PEBP4: variants seen among roughly 807,000 people sequenced by gnomAD.
PEBP4 encodes phosphatidylethanolamine binding protein 4.
A neutral mutation model predicts 23.9 loss-of-function variants in PEBP4; 22 were observed. That is an observed-to-expected ratio of 0.92 (90% CI 0.66 to 1.31). PEBP4 has a LOEUF of 1.31. Among genes scored for constraint, PEBP4 ranks in the 40% most tolerant of loss-of-function variants. The pLI is 0.00. For synonymous variants in PEBP4, 112 were observed against 99.3 expected (o/e 1.13, Z -0.76); for missense variants, 324 against 281.7 (o/e 1.15, Z -1.07).
chr8:22,910,047 G>T lies in PEBP4; in HGVS notation c.258+10137C>A, dbSNP rs114653551. Among the ~76,000 whole-genome samples the T allele has an allele frequency of 6.6e-5, 10 of 152,212 alleles. No individual in the cohort carries two copies. In the South Asian group the frequency reaches 2.1e-3, roughly 32 times the overall value. ...CGCCAGGTTGTGAGGAGGCTCAAAC[G>T]AGGTACTGAGGCAGCACACCGATGG... On this transcript the variant is annotated intron_variant, in intron 3 of 6. Coordinates refer to ENST00000256404, the MANE Select transcript of PEBP4 (RefSeq NM_144962.3).
upstream of PEBP4, among the ~76,000 whole-genome samples, chr8:22,932,137 G>A (rs541122031): frequency 1.3e-4 from 20 of 152,302 alleles, no homozygotes; most frequent in African/African-American, 3.8e-4. Context: ...GCAGCCAGTC[G>A]CAAAAGAGGA....
At chr8:22,714,112 G>A (rs922118512) in intron 6 of PEBP4, among the ~76,000 whole-genome samples, 2 of 152,238 alleles carry the variant, frequency 1.3e-5, no homozygotes, top group African/African-American at 4.8e-5. Context: ...GGCAGAGGTG[G>A]AGGGGCAGCC....
At chr8:22,796,688 C>T (rs1226985035) in intron 4 of PEBP4, among the ~76,000 whole-genome samples, 4 of 152,112 alleles carry the variant, frequency 2.6e-5, no homozygotes, top group Non-Finnish European at 4.4e-5. Flanking sequence ...TGAAATGACT[C>T]AAACAGAAAG....
At chr8:22,815,673 G>A (rs531129328) in intron 4 of PEBP4, among the ~76,000 whole-genome samples, 1 of 152,332 alleles carries the variant, frequency 6.6e-6, no homozygotes, top group African/African-American at 2.4e-5. Context: ...GCCGAGGGCC[G>A]CACCCGGGCA....
At chr8:22,742,743 G>C (rs1805023278) in intron 4 of PEBP4, among the ~76,000 whole-genome samples, 1 of 152,226 alleles carries the variant, frequency 6.6e-6, no homozygotes, top group Non-Finnish European at 1.5e-5. Flanking sequence ...GGCAGAGAGA[G>C]AGAGGAGTTG....
At chr8:22,939,968 A>T (rs1809587382) in intron 1 of PEBP4, among the ~76,000 whole-genome samples, 1 of 152,172 alleles carries the variant, frequency 6.6e-6, no homozygotes, top group Non-Finnish European at 1.5e-5. Context: ...TTAATGAATC[A>T]CTTCACCCAT....
At chr8:22,804,028 T>C (rs1253359123) in intron 4 of PEBP4, among the ~76,000 whole-genome samples, 1 of 152,184 alleles carries the variant, frequency 6.6e-6, no homozygotes, top group Non-Finnish European at 1.5e-5. Flanking sequence ...GATAGATCTT[T>C]TAAAAGTGCA....
intron 3 of PEBP4, among the ~76,000 whole-genome samples, chr8:22,906,119 GTCT>G (rs1281765934): frequency 2.0e-5 from 3 of 152,204 alleles, no homozygotes; most frequent in Non-Finnish European, 2.9e-5. Context: ...AGAGATGCAG[GTCT>G]TCACTTCAGC....
rs1007423908 is a variant in PEBP4 at position 22,865,276 on chromosome 8, C to A, written c.259-47541G>T. 2.0e-5 allele frequency among the ~76,000 whole-genome samples: 3 copies of A among 152,118 alleles called. No homozygotes were observed. Reference sequence around the variant, plus strand: ...GCGAAAATGACAAAACAACTCCTTGCTCAGGGCAGCCCGGGAAGAGCGGCG... The same window carrying A: ...GCGAAAATGACAAAACAACTCCTTGATCAGGGCAGCCCGGGAAGAGCGGCG... On this transcript the variant is annotated intron_variant, in intron 3 of 6. Transcript: ENST00000256404. The surrounding 1 kb of genome is among the most constrained non-coding windows in gnomAD (Gnocchi z 6.9).
intron 3 of PEBP4, among the ~76,000 whole-genome samples, chr8:22,823,140 G>A (rs1806894888): frequency 6.6e-6 from 1 of 151,902 alleles, no homozygotes; most frequent in South Asian, 2.1e-4. Flanking sequence ...AAAATCCAGA[G>A]AGAAAGTTGA....
intron 4 of PEBP4, among the ~76,000 whole-genome samples, chr8:22,788,735 T>G (rs929135053): frequency 1.3e-5 from 2 of 152,254 alleles, no homozygotes; most frequent in Admixed American, 6.5e-5. Flanking sequence ...GGATGGCATT[T>G]TAGTTAACAT....
At chr8:22,920,604 A>C (rs989449170) in intron 2 of PEBP4, among the ~76,000 whole-genome samples, 3 of 152,248 alleles carry the variant, frequency 2.0e-5, no homozygotes, top group African/African-American at 7.2e-5. Context: ...AAAGTATAAT[A>C]TTAATTATCA....
intron 3 of PEBP4, among the ~76,000 whole-genome samples, chr8:22,876,547 G>GT (rs1418042042): frequency 6.6e-6 from 1 of 152,178 alleles, no homozygotes; most frequent in African/African-American, 2.4e-5. Context: ...CAGGAGAGAG[G>GT]TCACCATCCA....
Position 22,793,598 on chromosome 8 carries a change from T to C in PEBP4, c.357+24039A>G, listed in dbSNP as rs553461803. 1.3e-3 allele frequency among the ~76,000 whole-genome samples: 194 copies of C among 152,290 alleles called. 1 individual carries two copies. Among genetic ancestry groups the C allele is most frequent in the African/African-American group, 4.3e-3 (180 of 41,550 alleles). ...ACCTGGTTGGTTGCATAATAGTTTA[T>C]GTAGTGTAATTTATTTGCCAACTGT... On this transcript the variant is annotated intron_variant, in intron 4 of 6. Transcript: ENST00000256404.
intron 2 of PEBP4, 37 bp downstream of exon 2, chr8:22,927,547 C>T (rs1268192331): frequency 6.3e-7 from 1 of 1,592,976 alleles, no homozygotes; most frequent in Non-Finnish European, 8.6e-7. Flanking sequence ...GCCTGGTAGC[C>T]TCTGTGCCTC....
chr8:22,802,641 T>C (rs1806409648), intron 4 of PEBP4, among the ~76,000 whole-genome samples: 1 of 152,206 alleles, frequency 6.6e-6, no homozygotes, highest in Non-Finnish European at 1.5e-5. Flanking sequence ...CAAAAGTAAA[T>C]GAGAGTGGCT....
chr8:22,903,810 T>A (rs1808755431), intron 3 of PEBP4, among the ~76,000 whole-genome samples: 1 of 152,184 alleles, frequency 6.6e-6, no homozygotes. Context: ...TGGGCCAGGG[T>A]TACCTGGTAC....
At chr8:22,753,747 G>A (rs1050280175) in intron 4 of PEBP4, among the ~76,000 whole-genome samples, 8 of 152,294 alleles carry the variant, frequency 5.3e-5, no homozygotes, top group East Asian at 3.9e-4. Context: ...GCTGGTGGCC[G>A]CCTCAACATT....
chr8:22,822,686 A>G (rs1359396083), intron 3 of PEBP4, among the ~76,000 whole-genome samples: 1 of 152,132 alleles, frequency 6.6e-6, no homozygotes, highest in Non-Finnish European at 1.5e-5. Context: ...TAAAGTATAC[A>G]TTTAAGATCC....
Sources: allele counts gnomAD v4.1 joint callset (sites outside exome capture counted in the v4.1 genomes callset), GRCh38; gene constraint gnomAD v4.1.1; non-coding constraint Gnocchi (gnomAD v3.1); transcripts MANE v1.5; gene names NCBI Gene and HGNC (gene_info 2026-07-23, HGNC 2026-07-21).